Variants in LRRC2 observed in about 807,000 individuals in gnomAD.
LRRC2 encodes the protein leucine rich repeat containing 2, also known as leucine-rich repeat-containing protein 2.
In LRRC2, 27 loss-of-function variants were observed where a neutral mutation model predicts 40.2. The ratio of observed to expected loss-of-function variants is 0.67; its 90% CI spans 0.49 to 0.93. LRRC2 has a LOEUF of 0.93. Among genes scored for constraint, LRRC2 ranks in the 40% least tolerant of loss-of-function variants. LRRC2 has a pLI of 0.00. For synonymous variants in LRRC2, 147 were observed against 158.9 expected (o/e 0.92, Z 0.56); for missense variants, 402 against 439.6 (o/e 0.91, Z 0.76).
intron 4 of LRRC2, among the ~76,000 whole-genome samples, chr3:46,536,945 C>G (rs1329153458): frequency 6.6e-6 from 1 of 152,154 alleles, no homozygotes; most frequent in African/African-American, 2.4e-5. Flanking sequence ...CATGACTCAT[C>G]CCATGGTGAT....
At chr3:46,557,625 T>C (rs1232918044) in intron 1 of LRRC2, 2 of 152,244 alleles carry the variant, frequency 1.3e-5, no homozygotes, top group Non-Finnish European at 2.9e-5. Flanking sequence ...GTTCTTTATA[T>C]CTTCTGTTTC....
chr3:46,522,809 A>ACACACACACACACACACAC (rs59193633), intron 7 of LRRC2, among the ~76,000 whole-genome samples: 2 of 147,416 alleles, frequency 1.4e-5, no homozygotes, highest in Admixed American at 6.8e-5. Context: ...ACACACACAC[A>ACACACACACACACACACAC]AGCTAAAGGG....
In LRRC2 at chr3:46,564,369, G is replaced by C. The variant is rs17078957; in HGVS notation, c.-20+1808C>G. ...CCAGAGGGCATGACTGGAAAAACAT[G>C]TCCCCTGGCACCAGGGCACTAGTCT... On this transcript the variant is annotated intron_variant, in intron 1 of 8. Transcript: ENST00000395905. 4.7e-3 allele frequency among the ~76,000 whole-genome samples: 639 copies of C among 135,398 alleles called. 3 individuals carry two copies. Among genetic ancestry groups the C allele is most frequent in the African/African-American group, 0.017 (598 of 34,694 alleles). 88.8% of individuals were successfully genotyped at this position (135,398 alleles called of 152,430 possible).
chr3:46,539,916 T>C (rs1704348341), intron 3 of LRRC2, among the ~76,000 whole-genome samples: 1 of 151,834 alleles, frequency 6.6e-6, no homozygotes, highest in Non-Finnish European at 1.5e-5. Context: ...CGAGCCCCCA[T>C]TGCAGGTGAG....
chr3:46,527,447 C>T lies in LRRC2; in HGVS notation c.908G>A (p.Cys303Tyr). Residue 303 changes from cysteine to tyrosine, a missense_variant, in exon 7 of 9, where the codon TGT becomes TAT. By Grantham distance (194) the Cys-to-Tyr change is radical (BLOSUM62 -2). Transcript: ENST00000395905. ...DHLVELPTAL[C>Y]DSSTPLKFVS... ...TCACTTTAAAGGTGTGGATGAGTCA[C>T]AAAGGGCAGTTGGGAGCTCCACCAA... The T allele has an allele frequency of 6.2e-7, 1 of 1,613,900 alleles. No homozygotes were observed. The highest frequency in any genetic ancestry group is 8.5e-7 in the Non-Finnish European group (1 of 1,179,850).
intron 1 of LRRC2, among the ~76,000 whole-genome samples, chr3:46,556,290 T>G (rs569787901): frequency 6.6e-6 from 1 of 152,030 alleles, no homozygotes. Context: ...TGGCTAATTT[T>G]TTTAAAAAAA....
At chr3:46,520,860 T>C (rs1703952002) in intron 8 of LRRC2, among the ~76,000 whole-genome samples, 1 of 152,202 alleles carries the variant, frequency 6.6e-6, no homozygotes, top group Non-Finnish European at 1.5e-5. Context: ...CAAAGACTGA[T>C]GTATGCCTTT....
chr3:46,557,190 AAAG>A (rs1349332343), intron 1 of LRRC2, among the ~76,000 whole-genome samples: 3 of 152,120 alleles, frequency 2.0e-5, no homozygotes, highest in Non-Finnish European at 4.4e-5. Flanking sequence ...TTCCACCACA[AAAG>A]AAGTGTAAAT....
chr3:46,536,097 T>G (rs1704264947), intron 4 of LRRC2, among the ~76,000 whole-genome samples: 1 of 152,170 alleles, frequency 6.6e-6, no homozygotes, highest in Admixed American at 6.5e-5. Context: ...TAAGCCCATG[T>G]GTGTAAGTAT....
At chr3:46,530,358 T>C (rs554226959) in intron 5 of LRRC2, among the ~76,000 whole-genome samples, 1 of 152,250 alleles carries the variant, frequency 6.6e-6, no homozygotes, top group South Asian at 2.1e-4. Context: ...GGTGGACAGA[T>C]TGCTTGAGCC....
chr3:46,558,476 C>A (rs958281479), intron 1 of LRRC2: 1 of 152,250 alleles, frequency 6.6e-6, no homozygotes, highest in Non-Finnish European at 1.5e-5. Flanking sequence ...TCCGTGTGCA[C>A]CACCCAGTGG....
In LRRC2 at chr3:46,551,608, T is replaced by A. The variant is rs868366767; in HGVS notation, c.-17A>T. ...ATGTCCCATTTTGGGAGCATGAAAT[T>A]ACCTATTTAAAAAATATATAGATAT... On this transcript the variant is annotated splice_region_variant and 5_prime_UTR_variant, in exon 2 of 9. Coordinates refer to ENST00000395905, the MANE Select transcript of LRRC2 (RefSeq NM_024512.5). The A allele has an allele frequency of 3.1e-6, 5 of 1,600,964 alleles. No individual in the cohort carries two copies. The highest frequency in any genetic ancestry group is 3.3e-4 in the Middle Eastern group (2 of 6,006).
intron 3 of LRRC2, among the ~76,000 whole-genome samples, chr3:46,544,588 GGAAA>G (rs1407005078): frequency 1.3e-4 from 20 of 152,246 alleles, no homozygotes; most frequent in Non-Finnish European, 2.6e-4. Context: ...TGGGACCTGA[GGAAA>G]GAAAGATGGA....
rs558490550 is a variant in LRRC2 at position 46,524,910 on chromosome 3, A to G, written c.929+2516T>C. 7.2e-5 allele frequency among the ~76,000 whole-genome samples: 11 copies of G among 152,236 alleles called. No homozygotes were observed. The East Asian group carries it at 2.1e-3, about 29-fold the overall frequency. On this transcript the variant is annotated intron_variant, in intron 7 of 8. Transcript: ENST00000395905. ...GGCTTTATCACTAGCCAGTTTCTTCATACCATATGAAGTCATTCATACTTT... is the reference window on the plus strand; with the variant it reads ...GGCTTTATCACTAGCCAGTTTCTTCGTACCATATGAAGTCATTCATACTTT...
rs1703870880 is a variant in LRRC2 at position 46,516,891 on chromosome 3, T to C, written c.*2123A>G. The C allele has an allele frequency of 1.3e-5, 2 of 152,228 alleles. No homozygotes were observed. The highest frequency in any genetic ancestry group is 2.9e-5 in the Non-Finnish European group (2 of 68,062). The allele number at this position is 152,228 out of a possible 1,614,324, so 9.4% of individuals were successfully genotyped here. A position where few individuals can be genotyped will look rare whatever the true frequency, so the allele number is the denominator to read the frequency against. ...CAAGGACGCTGCAGCCCATGCTGTATGTAAGCTCCCCTCATAAATGCTTTG... is the reference window on the plus strand; with the variant it reads ...CAAGGACGCTGCAGCCCATGCTGTACGTAAGCTCCCCTCATAAATGCTTTG... On this transcript the variant is annotated 3_prime_UTR_variant, in exon 9 of 9. Transcript: ENST00000395905.
At chr3:46,536,826 G>A (rs1704277982) in intron 4 of LRRC2, among the ~76,000 whole-genome samples, 2 of 152,162 alleles carry the variant, frequency 1.3e-5, no homozygotes, top group African/African-American at 4.8e-5. Flanking sequence ...AGTTAAAAAA[G>A]AACAGGTGTT....
chr3:46,524,853 C>A (rs1704028449), intron 7 of LRRC2, among the ~76,000 whole-genome samples: 1 of 151,976 alleles, frequency 6.6e-6, no homozygotes, highest in African/African-American at 2.4e-5. Flanking sequence ...ATGTAGTACT[C>A]CAAGATTTCT....
At chr3:46,532,644 G>A in intron 5 of LRRC2, 129 bp downstream of exon 5, 2 of 1,043,342 alleles carry the variant, frequency 1.9e-6, no homozygotes, top group Non-Finnish European at 2.8e-6. Flanking sequence ...TACGGTGATT[G>A]AAATGTCAGG....
At chr3:46,541,983 C>T (rs1460599204) in intron 3 of LRRC2, among the ~76,000 whole-genome samples, 1 of 152,066 alleles carries the variant, frequency 6.6e-6, no homozygotes, top group Admixed American at 6.5e-5. Flanking sequence ...CCAGACAAAT[C>T]ATGAATGTGC....
Sources: gnomAD v4.1 joint callset for allele counts (sites outside exome capture counted in the v4.1 genomes callset) on GRCh38, gnomAD v4.1.1 for gene constraint, MANE v1.5 for transcripts, NCBI Gene and HGNC (gene_info 2026-07-23, HGNC 2026-07-21) for gene names.